Variants in FBXW7 observed in about 807,000 individuals in gnomAD.
FBXW7 encodes F-box and WD repeat domain containing 7.
FBXW7 carries 11 observed loss-of-function variants against 86.3 expected under a neutral mutation model. The ratio of observed to expected loss-of-function variants is 0.13; its 90% CI spans 0.08 to 0.21. The LOEUF (loss-of-function observed/expected upper bound fraction) is 0.21. FBXW7 is among the 10% of genes least tolerant of loss of function. The pLI is 1.00. For synonymous variants in FBXW7, 313 were observed against 297.9 expected (o/e 1.05, Z -0.52); for missense variants, 488 against 847.4 (o/e 0.58, Z 5.27).
chr4:152,513,753 T>C (rs1249704506), intron 2 of FBXW7, among the ~76,000 whole-genome samples: 1 of 152,228 alleles, frequency 6.6e-6, no homozygotes, highest in African/African-American at 2.4e-5. Flanking sequence ...TAAAAAACTT[T>C]ACATCTCAAC....
At chr4:152,385,582 T>G (rs560846623) in intron 4 of FBXW7, among the ~76,000 whole-genome samples, 1 of 152,168 alleles carries the variant, frequency 6.6e-6, no homozygotes, top group South Asian at 2.1e-4. Flanking sequence ...CAAAAGTTAC[T>G]ATGAAGTAAA....
At chr4:152,358,782 G>A (rs751213241) in intron 4 of FBXW7, among the ~76,000 whole-genome samples, 2 of 152,146 alleles carry the variant, frequency 1.3e-5, no homozygotes, top group Non-Finnish European at 2.9e-5. Flanking sequence ...GTCACTGTGA[G>A]GAAACAGAAA....
At chr4:152,528,891 A>C (rs1422529768) in intron 2 of FBXW7, among the ~76,000 whole-genome samples, 1 of 152,194 alleles carries the variant, frequency 6.6e-6, no homozygotes, top group Non-Finnish European at 1.5e-5. Context: ...GTCATGCAGA[A>C]ATGAACATCT....
intron 2 of FBXW7, among the ~76,000 whole-genome samples, chr4:152,524,863 G>A (rs1201179437): frequency 6.6e-6 from 1 of 152,118 alleles, no homozygotes; most frequent in Non-Finnish European, 1.5e-5. Flanking sequence ...GTAGAAAAAG[G>A]CTTCCCCACT....
chr4:152,333,500 G>C (rs1729771392), intron 7 of FBXW7, among the ~76,000 whole-genome samples: 1 of 151,506 alleles, frequency 6.6e-6, no homozygotes, highest in Non-Finnish European at 1.5e-5. Flanking sequence ...GAAAGAAGGG[G>C]AATTATAGCC....
chr4:152,344,009 T>C (rs1057480658), intron 6 of FBXW7, among the ~76,000 whole-genome samples: 5 of 152,202 alleles, frequency 3.3e-5, no homozygotes, highest in South Asian at 4.1e-4. Context: ...TTAGGAGCAA[T>C]AGCAGAACAG....
At chr4:152,337,591 G>T in intron 7 of FBXW7, 1 of 444,510 alleles carries the variant, frequency 2.2e-6, no homozygotes, top group Non-Finnish European at 4.0e-6. Flanking sequence ...TAGTGGAAAG[G>T]AGTTACTTAG....
intron 6 of FBXW7, among the ~76,000 whole-genome samples, chr4:152,340,877 T>A (rs1362684331): frequency 6.6e-6 from 1 of 152,164 alleles, no homozygotes; most frequent in Non-Finnish European, 1.5e-5. Flanking sequence ...ACAGTCTTCC[T>A]CATTTCAGTA....
At chr4:152,531,496 T>C (rs909188023) in intron 2 of FBXW7, among the ~76,000 whole-genome samples, 4 of 150,776 alleles carry the variant, frequency 2.7e-5, no homozygotes, top group Non-Finnish European at 5.9e-5. Flanking sequence ...TTAAAGTCAA[T>C]ACTAAATGCA....
intron 2 of FBXW7, among the ~76,000 whole-genome samples, chr4:152,417,858 A>C (rs1050216758): frequency 6.6e-6 from 1 of 152,052 alleles, no homozygotes; most frequent in Non-Finnish European, 1.5e-5. Context: ...TCTCCCAGCA[A>C]GCTACCAAGC....
chr4:152,349,103 G>A (rs1276113752), intron 5 of FBXW7, among the ~76,000 whole-genome samples: 2 of 151,932 alleles, frequency 1.3e-5, no homozygotes, highest in Non-Finnish European at 2.9e-5. Context: ...TTCTCTGTAA[G>A]AGGCACAATC....
intron 2 of FBXW7, among the ~76,000 whole-genome samples, chr4:152,428,834 A>T (rs890959779): frequency 2.6e-5 from 4 of 152,236 alleles, no homozygotes; most frequent in Admixed American, 2.0e-4. Context: ...AATCTTACCA[A>T]TTCAGATCGT....
At chr4:152,403,512 G>T (rs1737129780) in intron 4 of FBXW7, among the ~76,000 whole-genome samples, 1 of 151,948 alleles carries the variant, frequency 6.6e-6, no homozygotes, top group African/African-American at 2.4e-5. Context: ...TTTTAAAACG[G>T]TAGTCACCAA....
At chr4:152,525,546 C>T (rs1388367995) in intron 2 of FBXW7, among the ~76,000 whole-genome samples, 1 of 152,102 alleles carries the variant, frequency 6.6e-6, no homozygotes, top group African/African-American at 2.4e-5. Context: ...AGTGAGAACA[C>T]GCGGTACTTG....
intron 2 of FBXW7, among the ~76,000 whole-genome samples, chr4:152,495,236 C>A (rs1213341948): frequency 2.0e-5 from 3 of 152,088 alleles, no homozygotes; most frequent in Admixed American, 2.0e-4. Context: ...AGTTCGAGAT[C>A]ACCCTGTCCT....
chr4:152,486,316 A>G (rs1270081761), intron 2 of FBXW7, among the ~76,000 whole-genome samples: 1 of 152,176 alleles, frequency 6.6e-6, no homozygotes, highest in African/African-American at 2.4e-5. Flanking sequence ...TCTTTCTTCA[A>G]TAATAAACCT....
At chr4:152,364,721 T>C (rs1213789172) in intron 4 of FBXW7, among the ~76,000 whole-genome samples, 1 of 152,164 alleles carries the variant, frequency 6.6e-6, no homozygotes, top group African/African-American at 2.4e-5. Flanking sequence ...AAAGAGCCAA[T>C]CCATCTTCAT....
intron 4 of FBXW7, among the ~76,000 whole-genome samples, chr4:152,388,426 CAAAAT>C (rs1437383034): frequency 1.3e-5 from 2 of 151,958 alleles, no homozygotes; most frequent in East Asian, 3.9e-4. Flanking sequence ...GTAGCATTCT[CAAAAT>C]AAAAATGCCA....
chr4:152,364,478 G>A (rs953701305), intron 4 of FBXW7, among the ~76,000 whole-genome samples: 5 of 152,136 alleles, frequency 3.3e-5, no homozygotes, highest in African/African-American at 7.2e-5. Context: ...ATTTATGAAA[G>A]AAACTGCTTC....
Sources: allele counts gnomAD v4.1 joint callset (sites outside exome capture counted in the v4.1 genomes callset), GRCh38; gene constraint gnomAD v4.1.1; transcripts MANE v1.5; gene names NCBI Gene and HGNC (gene_info 2026-07-23, HGNC 2026-07-21).